PRKG1: variants seen among roughly 807,000 people sequenced by gnomAD.
The protein encoded by PRKG1 is protein kinase cGMP-dependent 1.
In PRKG1, 35 loss-of-function variants were observed where a neutral mutation model predicts 88.1. The observed-to-expected ratio is 0.40, with a 90% CI of 0.30 to 0.53. PRKG1 has a LOEUF of 0.53. Among genes scored for constraint, PRKG1 ranks in the 20% least tolerant of loss-of-function variants. The probability of loss-of-function intolerance (pLI) is 0.59; values close to 1 mark genes in which losing one functional copy is unlikely to be tolerated. For synonymous variants in PRKG1, 303 were observed against 292.5 expected, an observed-to-expected ratio of 1.04 and a Z score of -0.37; for missense variants, 540 against 839.8, an observed-to-expected ratio of 0.64 and a Z score of 4.41.
At chr10:51,066,993 C>T (rs1843758585) in intron 1 of PRKG1, among the ~76,000 whole-genome samples, 2 of 151,934 alleles carry the variant, frequency 1.3e-5, no homozygotes, top group Non-Finnish European at 2.9e-5. Flanking sequence ...ACTATGTTTT[C>T]TTCCTGTCAC....
chr10:51,207,967 T>G (rs1838106523), intron 2 of PRKG1, among the ~76,000 whole-genome samples: 1 of 152,230 alleles, frequency 6.6e-6, no homozygotes, highest in African/African-American at 2.4e-5. Context: ...GGACTATTTC[T>G]TATTCATGGT....
intron 3 of PRKG1, among the ~76,000 whole-genome samples, chr10:51,784,204 T>C (rs1432818058): frequency 6.6e-6 from 1 of 152,044 alleles, no homozygotes; most frequent in Non-Finnish European, 1.5e-5. Flanking sequence ...CTCTTAGTTG[T>C]GTTCTAATAA....
chr10:51,136,275 G>T (rs1036714484), intron 1 of PRKG1, among the ~76,000 whole-genome samples: 6 of 151,974 alleles, frequency 3.9e-5, no homozygotes, highest in Non-Finnish European at 8.8e-5. Flanking sequence ...AGGAGAAGCA[G>T]ATTTGCTGGG....
intron 9 of PRKG1, among the ~76,000 whole-genome samples, chr10:52,231,662 T>G (rs1332509880): frequency 3.3e-5 from 5 of 152,170 alleles, no homozygotes; most frequent in Admixed American, 3.3e-4. Flanking sequence ...GACTGTTGGA[T>G]TTAAGAATAG....
intron 3 of PRKG1, among the ~76,000 whole-genome samples, chr10:51,655,106 G>GTA (rs1840130896): frequency 1.3e-5 from 2 of 152,170 alleles, no homozygotes; most frequent in Non-Finnish European, 2.9e-5. Flanking sequence ...GTGAAATTAA[G>GTA]TCCTGGGCCA....
At chr10:51,503,247 T>A (rs1841087073) in intron 3 of PRKG1, among the ~76,000 whole-genome samples, 1 of 152,144 alleles carries the variant, frequency 6.6e-6, no homozygotes. Flanking sequence ...CTCCTTTTTT[T>A]ATTTCTTTCA....
chr10:51,459,269 G>A (rs917455967), intron 2 of PRKG1, among the ~76,000 whole-genome samples: 9 of 152,076 alleles, frequency 5.9e-5, no homozygotes, highest in Admixed American at 5.2e-4. Flanking sequence ...GGAGAGAGGG[G>A]TAGGACATTT....
chr10:51,812,430 G>A (rs903279147), intron 4 of PRKG1, among the ~76,000 whole-genome samples: 2 of 152,088 alleles, frequency 1.3e-5, no homozygotes, highest in African/African-American at 4.8e-5. Context: ...GGGAAGAATC[G>A]GGCCCTTTTT....
intron 1 of PRKG1, among the ~76,000 whole-genome samples, chr10:51,092,332 G>C (rs1051610293): frequency 1.3e-5 from 2 of 152,136 alleles, no homozygotes; most frequent in Non-Finnish European, 2.9e-5. Context: ...GAAAGTGGAG[G>C]GTTTCAATTA....
intron 5 of PRKG1, among the ~76,000 whole-genome samples, chr10:51,915,257 T>C (rs1188073340): frequency 6.6e-6 from 1 of 152,228 alleles, no homozygotes; most frequent in Non-Finnish European, 1.5e-5. Context: ...AGGCCTAGAC[T>C]CTTCAGGAGA....
chr10:51,078,710 G>C (rs1453991158), intron 1 of PRKG1, among the ~76,000 whole-genome samples: 1 of 151,506 alleles, frequency 6.6e-6, no homozygotes, highest in Admixed American at 6.6e-5. Context: ...TCTGCCTCCC[G>C]GGTTCACACC....
intron 3 of PRKG1, among the ~76,000 whole-genome samples, chr10:51,514,273 T>G (rs375557712): frequency 6.6e-6 from 1 of 152,108 alleles, no homozygotes; most frequent in Non-Finnish European, 1.5e-5. Flanking sequence ...CCTCGACACA[T>G]ACACTCTAAT....
At chr10:52,197,218 A>G (rs1297877683) in intron 9 of PRKG1, among the ~76,000 whole-genome samples, 6 of 152,128 alleles carry the variant, frequency 3.9e-5, no homozygotes, top group Admixed American at 3.3e-4. Context: ...ACCTTGCTTC[A>G]TGAGATAATC....
intron 2 of PRKG1, among the ~76,000 whole-genome samples, chr10:51,264,078 G>A (rs1445603203): frequency 1.3e-5 from 2 of 152,140 alleles, no homozygotes; most frequent in Non-Finnish European, 2.9e-5. Context: ...ATGTCATGTT[G>A]ATTCATTTTG....
intron 2 of PRKG1, among the ~76,000 whole-genome samples, chr10:51,390,368 C>T (rs988064158): frequency 7.9e-5 from 12 of 152,248 alleles, no homozygotes; most frequent in Admixed American, 3.3e-4. Flanking sequence ...TCATGACATG[C>T]GTATATTCAT....
chr10:51,202,548 A>AC (rs200431366), intron 2 of PRKG1, among the ~76,000 whole-genome samples: 3,086 of 152,310 alleles, frequency 0.02, 44 homozygotes, highest in Middle Eastern at 0.051. Context: ...ACACACACAC[A>AC]AAAAAAGACA....
Position 52,251,781 on chromosome 10 carries a change from G to A in PRKG1, c.1173+115G>A, listed in dbSNP as rs150499509. The A allele has an allele frequency of 3.1e-4, 274 of 887,712 alleles. 1 individual carries two copies. The East Asian group carries it at 6.1e-3, about 20-fold the overall frequency. The allele number at this position is 887,712 out of a possible 1,614,324, so 55.0% of individuals were successfully genotyped here. A position where few individuals can be genotyped will look rare whatever the true frequency, so the allele number is the denominator to read the frequency against. On this transcript the variant is annotated intron_variant, in intron 10 of 17. Transcript: ENST00000373980. The stretch of plus-strand genomic sequence containing the variant: ...TTTGTCTTTCATCATTAATTACCAT[G>A]ATTCCTAAATCAGTTCCAAATACTT...
At chr10:52,204,108 T>TG (rs773688443) in intron 9 of PRKG1, among the ~76,000 whole-genome samples, 38,400 of 149,146 alleles carry the variant, frequency 0.26, 5,926 homozygotes, top group Admixed American at 0.41. Flanking sequence ...TTATTATTAT[T>TG]TTTTGTTTTT....
intron 10 of PRKG1, among the ~76,000 whole-genome samples, chr10:52,266,391 C>A (rs1470779679): frequency 1.3e-5 from 2 of 151,788 alleles, no homozygotes; most frequent in Admixed American, 1.3e-4. Context: ...CCCCGACAGA[C>A]CCCAGTGTGT....
Sources: gnomAD v4.1 joint callset for allele counts (sites outside exome capture counted in the v4.1 genomes callset) on GRCh38, gnomAD v4.1.1 for gene constraint, MANE v1.5 for transcripts, NCBI Gene and HGNC (gene_info 2026-07-23, HGNC 2026-07-21) for gene names.